The following SHISA9 variants were observed in gnomAD, a reference collection of about 807,000 sequenced individuals.
The protein encoded by SHISA9 is shisa family member 9.
In SHISA9, 13 loss-of-function variants were observed where a neutral mutation model predicts 38.0. That is an observed-to-expected ratio of 0.34 (90% CI 0.22 to 0.54). SHISA9 has a LOEUF of 0.54. SHISA9 is among the 20% of genes least tolerant of loss of function. The probability of loss-of-function intolerance (pLI) is 0.91; values close to 1 mark genes in which losing one functional copy is unlikely to be tolerated. For synonymous variants in SHISA9, 275 were observed against 242.0 expected, an observed-to-expected ratio of 1.14 and a Z score of -1.27; for missense variants, 538 against 575.8, an observed-to-expected ratio of 0.93 and a Z score of 0.67.
At chr16:13,559,483 T>A in the SHISA9 span, among the ~76,000 whole-genome samples, 12 of 151,820 alleles carry the variant, frequency 7.9e-5, no homozygotes, top group Non-Finnish European at 1.6e-4. Flanking sequence ...GCTTAGGTCA[T>A]CCTCCCACCT....
At chr16:13,164,849 T>C (rs962157420) in intron 2 of SHISA9, among the ~76,000 whole-genome samples, 5 of 152,316 alleles carry the variant, frequency 3.3e-5, no homozygotes, top group South Asian at 2.1e-4. Flanking sequence ...AGAGTTTGGA[T>C]GACATGAACC....
At chr16:13,036,122 C>T (rs2073058424) in intron 2 of SHISA9, among the ~76,000 whole-genome samples, 1 of 152,182 alleles carries the variant, frequency 6.6e-6, no homozygotes, top group Non-Finnish European at 1.5e-5. Context: ...TATGACACAT[C>T]AATTCCACTC....
chr16:12,960,667 CAG>C (rs1402316946), intron 2 of SHISA9, among the ~76,000 whole-genome samples: 1 of 152,190 alleles, frequency 6.6e-6, no homozygotes, highest in Non-Finnish European at 1.5e-5. Context: ...AACTCAGGAA[CAG>C]AAAACCGCAC....
At chr16:13,059,956 C>T (rs1204826644) in intron 2 of SHISA9, among the ~76,000 whole-genome samples, 1 of 152,188 alleles carries the variant, frequency 6.6e-6, no homozygotes, top group Admixed American at 6.5e-5. Context: ...CAATAGATTT[C>T]TGTCATTTAA....
intron 2 of SHISA9, among the ~76,000 whole-genome samples, chr16:13,093,163 G>C (rs1036507955): frequency 6.6e-6 from 1 of 152,164 alleles, no homozygotes; most frequent in African/African-American, 2.4e-5. Flanking sequence ...GGGGCAGCCA[G>C]TTCAAGTGGC....
At chr16:13,108,331 T>C (rs2073946499) in intron 2 of SHISA9, among the ~76,000 whole-genome samples, 1 of 152,170 alleles carries the variant, frequency 6.6e-6, no homozygotes, top group African/African-American at 2.4e-5. Context: ...GATCTTGTTA[T>C]GTTACTCAGC....
the SHISA9 span, among the ~76,000 whole-genome samples, chr16:13,309,737 C>T: frequency 6.6e-6 from 1 of 151,260 alleles, no homozygotes; most frequent in East Asian, 1.9e-4. Context: ...AGGTGCTGTT[C>T]TCAGTGCTTA....
the SHISA9 span, among the ~76,000 whole-genome samples, chr16:13,541,885 G>T: frequency 2.6e-5 from 4 of 152,166 alleles, no homozygotes; most frequent in African/African-American, 7.2e-5. Context: ...TCATTCATGG[G>T]GTATACTGGG....
the SHISA9 span, among the ~76,000 whole-genome samples, chr16:13,451,255 C>T: frequency 1.3e-5 from 2 of 152,166 alleles, no homozygotes. Flanking sequence ...GGATAACACA[C>T]CCTTTATGGT....
At chr16:13,052,899 C>T (rs1337710119) in intron 2 of SHISA9, among the ~76,000 whole-genome samples, 3 of 151,372 alleles carry the variant, frequency 2.0e-5, no homozygotes, top group Admixed American at 1.3e-4. Flanking sequence ...AAGTTAATTA[C>T]TCAAGTTGGC....
chr16:12,924,443 T>C (rs1204321229), intron 2 of SHISA9, among the ~76,000 whole-genome samples: 1 of 152,208 alleles, frequency 6.6e-6, no homozygotes, highest in African/African-American at 2.4e-5. Flanking sequence ...ACTTGACTAA[T>C]TTCAACTCAT....
chr16:13,537,308 A>G, the SHISA9 span, among the ~76,000 whole-genome samples: 1 of 152,072 alleles, frequency 6.6e-6, no homozygotes, highest in Admixed American at 6.5e-5. Flanking sequence ...GTTGCCTGTA[A>G]TCCCAGCTAC....
At chr16:13,040,633 C>T (rs892479689) in intron 2 of SHISA9, among the ~76,000 whole-genome samples, 4 of 152,172 alleles carry the variant, frequency 2.6e-5, no homozygotes, top group African/African-American at 9.6e-5. Context: ...CTACTTTTCC[C>T]CCTTGCTCTA....
At chr16:13,272,408 A>G in the SHISA9 span, among the ~76,000 whole-genome samples, 1 of 151,838 alleles carries the variant, frequency 6.6e-6, no homozygotes, top group Non-Finnish European at 1.5e-5. Context: ...ATTTTTTTTT[A>G]ATAGAGATGG....
chr16:12,997,439 C>G (rs1166051312), intron 2 of SHISA9, among the ~76,000 whole-genome samples: 2 of 147,628 alleles, frequency 1.4e-5, no homozygotes, highest in African/African-American at 5.0e-5. Flanking sequence ...GACAGTCTCG[C>G]TCTGTTGGCC....
the SHISA9 span, among the ~76,000 whole-genome samples, chr16:13,324,962 C>A: frequency 6.6e-6 from 1 of 152,208 alleles, no homozygotes; most frequent in Non-Finnish European, 1.5e-5. Flanking sequence ...GAGTTAAGCT[C>A]TGCCTGAAGA....
At position 12,978,856 on chromosome 16, in the gene SHISA9, C is replaced by A. The variant is rs549535655; in HGVS notation, c.691+62041C>A. On this transcript the variant is annotated intron_variant, in intron 2 of 4. Transcript: ENST00000558583. ...AGATGAGTGTGAGACAAAATACACC[C>A]AAGTAGTAATTGTAGAATCTAGATG... Among the ~76,000 whole-genome samples, 7 of 152,218 alleles carry A rather than the reference C, an allele frequency of 4.6e-5. No homozygotes were observed. In the South Asian group the frequency reaches 1.5e-3, roughly 32 times the overall value.
chr16:13,562,275 G>A, the SHISA9 span, among the ~76,000 whole-genome samples: 8 of 152,136 alleles, frequency 5.3e-5, no homozygotes, highest in Admixed American at 3.3e-4. Context: ...GCACATCCAC[G>A]CTAATGATAC....
chr16:13,071,173 GC>G (rs1370009958), intron 2 of SHISA9, among the ~76,000 whole-genome samples: 1 of 152,114 alleles, frequency 6.6e-6, no homozygotes, highest in Non-Finnish European at 1.5e-5. Flanking sequence ...CGTCAAGATG[GC>G]AAATTTTATG....
Sources: gnomAD v4.1 joint callset for allele counts (sites outside exome capture counted in the v4.1 genomes callset) on GRCh38, gnomAD v4.1.1 for gene constraint, MANE v1.5 for transcripts, NCBI Gene and HGNC (gene_info 2026-07-23, HGNC 2026-07-21) for gene names.